The following GRK5 variants were observed in gnomAD, a reference collection of about 807,000 sequenced individuals.
GRK5 encodes the protein G protein-coupled receptor kinase 5, also known as g protein-coupled receptor kinase GRK5.
GRK5 carries 40 observed loss-of-function variants against 78.4 expected under a neutral mutation model. The observed-to-expected ratio is 0.51, with a 90% CI of 0.40 to 0.66. The LOEUF (loss-of-function observed/expected upper bound fraction) is 0.66. Among genes scored for constraint, GRK5 ranks in the 30% least tolerant of loss-of-function variants. GRK5 has a pLI of 0.00. For synonymous variants in GRK5, 289 were observed against 296.8 expected (o/e 0.97, Z 0.27); for missense variants, 598 against 759.9 (o/e 0.79, Z 2.50).
chr10:119,403,658 A>G (rs1852187873), intron 4 of GRK5, among the ~76,000 whole-genome samples: 1 of 151,248 alleles, frequency 6.6e-6, no homozygotes, highest in African/African-American at 2.4e-5. Context: ...GTTGAGATGG[A>G]GTTTCGCTCT....
chr10:119,312,065 C>T (rs952056980), intron 1 of GRK5, among the ~76,000 whole-genome samples: 11 of 151,888 alleles, frequency 7.2e-5, no homozygotes, highest in South Asian at 2.1e-4. Context: ...TACATCCACC[C>T]GCTGCTAATT....
At chr10:119,419,518 G>A (rs1273055195) in intron 4 of GRK5, among the ~76,000 whole-genome samples, 1 of 152,226 alleles carries the variant, frequency 6.6e-6, no homozygotes, top group African/African-American at 2.4e-5. Flanking sequence ...TTGAAAGGGG[G>A]TTGGGTTGGA....
chr10:119,223,826 A>C (rs962267577), intron 1 of GRK5, among the ~76,000 whole-genome samples: 1 of 151,906 alleles, frequency 6.6e-6, no homozygotes, highest in Non-Finnish European at 1.5e-5. Flanking sequence ...GGAACTAACG[A>C]GATGCTAAAA....
intron 8 of GRK5, among the ~76,000 whole-genome samples, chr10:119,432,836 C>T (rs750086565): frequency 7.9e-5 from 12 of 152,250 alleles, no homozygotes; most frequent in South Asian, 2.1e-4. Context: ...TTTGGGAGGT[C>T]GAGGCAGACA....
At chr10:119,326,638 C>A in intron 2 of GRK5, 27 bp downstream of exon 2, 1 of 1,546,182 alleles carries the variant, frequency 6.5e-7, no homozygotes, top group Non-Finnish European at 8.9e-7. Flanking sequence ...GGGGGCTGTG[C>A]GGGGAGTGAG....
intron 2 of GRK5, among the ~76,000 whole-genome samples, chr10:119,360,580 G>T (rs977229699): frequency 3.9e-5 from 6 of 152,010 alleles, no homozygotes; most frequent in African/African-American, 1.2e-4. Flanking sequence ...AGTGGGAAAA[G>T]TCTGTATGAG....
At position 119,209,487 on chromosome 10, in the gene GRK5, G is replaced by GTTT. The variant is rs60169912; in HGVS notation, c.52+1543_52+1545dup. Among the ~76,000 whole-genome samples the GTTT allele has an allele frequency of 3.8e-3, 372 of 98,852 alleles. 30 individuals carry two copies. Among genetic ancestry groups the GTTT allele is most frequent in the South Asian group, 7.9e-3 (18 of 2,290 alleles). 64.9% of individuals were successfully genotyped at this position (98,852 alleles called of 152,430 possible). The stretch of plus-strand genomic sequence containing the variant: ...GGCCTGAGCTGTGTGTGTGTGTGTG[G>GTTT]TTTTTTTTTTTTTTTTTTTTTTTTT... On this transcript the variant is annotated intron_variant, in intron 1 of 15. Coordinates refer to ENST00000392870, the MANE Select transcript of GRK5 (RefSeq NM_005308.3).
intron 1 of GRK5, among the ~76,000 whole-genome samples, chr10:119,274,448 G>A (rs562654782): frequency 6.6e-5 from 10 of 152,324 alleles, no homozygotes; most frequent in African/African-American, 2.4e-4. Context: ...CTTCTGTAGG[G>A]CACTTACCTG....
intron 1 of GRK5, among the ~76,000 whole-genome samples, chr10:119,227,876 T>C (rs1039561793): frequency 6.6e-6 from 1 of 152,218 alleles, no homozygotes; most frequent in African/African-American, 2.4e-5. Flanking sequence ...GGTAAGTCTT[T>C]GTCTCAAGAA....
chr10:119,326,533 A>G lies in GRK5; in HGVS notation c.70A>G (p.Lys24Glu), dbSNP rs755630855. 1 of 1,614,156 alleles carries G rather than the reference A, an allele frequency of 6.2e-7. No homozygotes were observed. Among genetic ancestry groups the G allele is most frequent in the Non-Finnish European group, 8.5e-7 (1 of 1,179,978 alleles). ...CTCTGCAGGGGGCGGAGGAAAGCGCAAAGGGAAAAGCAAGAAGTGGAAAGA... is the reference window on the plus strand; with the variant it reads ...CTCTGCAGGGGGCGGAGGAAAGCGCGAAGGGAAAAGCAAGAAGTGGAAAGA... Reference protein sequence around the residue: ...KAREGGGGKRKGKSKKWKEIL... With the variant: ...KAREGGGGKREGKSKKWKEIL... Residue 24 changes from lysine (K) to glutamate (E), a missense_variant, in exon 2 of 16, where the codon AAA becomes GAA. Transcript: ENST00000392870.
intron 4 of GRK5, among the ~76,000 whole-genome samples, chr10:119,419,288 C>A (rs1852523965): frequency 6.6e-6 from 1 of 152,244 alleles, no homozygotes; most frequent in Non-Finnish European, 1.5e-5. Context: ...TCCGATCTGA[C>A]ACGCAGCCAG....
At chr10:119,399,678 A>G (rs1306903420) in intron 4 of GRK5, among the ~76,000 whole-genome samples, 5 of 152,230 alleles carry the variant, frequency 3.3e-5, no homozygotes, top group African/African-American at 1.2e-4. Context: ...AGGCTCTGAG[A>G]AGTCCTGCAA....
intron 2 of GRK5, among the ~76,000 whole-genome samples, chr10:119,343,597 G>A (rs973047155): frequency 6.6e-6 from 1 of 152,230 alleles, no homozygotes; most frequent in Admixed American, 6.5e-5. Flanking sequence ...CCCCGTGGAC[G>A]TGGAACAATA....
At chr10:119,220,645 G>A (rs1369826401) in intron 1 of GRK5, among the ~76,000 whole-genome samples, 2 of 151,736 alleles carry the variant, frequency 1.3e-5, no homozygotes, top group African/African-American at 4.8e-5. Flanking sequence ...GACCACCCTG[G>A]CCAACATGGC....
chr10:119,243,202 AT>A (rs1401793959), intron 1 of GRK5, among the ~76,000 whole-genome samples: 1 of 152,248 alleles, frequency 6.6e-6, no homozygotes, highest in Non-Finnish European at 1.5e-5. Context: ...ACACCACTGC[AT>A]TCCCACCTGG....
At chr10:119,440,189 G>C (rs956256886) in intron 10 of GRK5, among the ~76,000 whole-genome samples, 1 of 152,150 alleles carries the variant, frequency 6.6e-6, no homozygotes, top group Non-Finnish European at 1.5e-5. Context: ...AGAAGGAAGA[G>C]GGTGGTGGAG....
At chr10:119,385,483 G>A (rs1851779808) in intron 3 of GRK5, among the ~76,000 whole-genome samples, 1 of 152,154 alleles carries the variant, frequency 6.6e-6, no homozygotes, top group South Asian at 2.1e-4. Flanking sequence ...AGCAGGCTTT[G>A]AGGGGCTGAG....
At position 119,456,373 on chromosome 10, in the gene GRK5, G is replaced by A. The variant is rs920637731; in HGVS notation, c.*1306G>A. 6.6e-6 allele frequency: 1 copy of A among 152,296 alleles called. No homozygotes were observed. The highest frequency in any genetic ancestry group is 1.5e-5 in the Non-Finnish European group (1 of 68,090). 9.4% of individuals were successfully genotyped at this position (152,296 alleles called of 1,614,324 possible). A position where few individuals can be genotyped will look rare whatever the true frequency, so the allele number is the denominator to read the frequency against. ...AAAGTTTCAGGCAGGAGCTCCTAGAGGACTTGGTGGCTTTGCCAGCCCAGG... is the reference window on the plus strand; with the variant it reads ...AAAGTTTCAGGCAGGAGCTCCTAGAAGACTTGGTGGCTTTGCCAGCCCAGG... On this transcript the variant is annotated 3_prime_UTR_variant, in exon 16 of 16. Transcript: ENST00000392870. The surrounding 1 kb of genome is among the most constrained non-coding windows in gnomAD (Gnocchi z 5.5).
Position 119,412,094 on chromosome 10 carries a change from A to G in GRK5, c.340-11072A>G, listed in dbSNP as rs1231846549. ...TCGAACTCCTGACCTCAGGTGATCC[A>G]CCTCCCTCGGCCTCCCAAAGTGCTG... On this transcript the variant is annotated intron_variant, in intron 4 of 15. Coordinates refer to ENST00000392870, the MANE Select transcript of GRK5 (RefSeq NM_005308.3). This position sits in a 1 kb window ranked among gnomAD's most constrained non-coding sequence, Gnocchi z 4.3. Among the ~76,000 whole-genome samples, 1 of 151,306 alleles carries G rather than the reference A, an allele frequency of 6.6e-6. No individual in the cohort carries two copies. The highest frequency in any genetic ancestry group is 1.5e-5 in the Non-Finnish European group (1 of 67,816).
Sources: gnomAD v4.1 joint callset for allele counts (sites outside exome capture counted in the v4.1 genomes callset) on GRCh38, gnomAD v4.1.1 for gene constraint, Gnocchi (gnomAD v3.1) non-coding constraint, MANE v1.5 for transcripts, NCBI Gene and HGNC (gene_info 2026-07-23, HGNC 2026-07-21) for gene names.